The following ITGBL1 variants were observed in gnomAD, a reference collection of about 807,000 sequenced individuals.
The protein encoded by ITGBL1 is integrin subunit beta like 1.
A neutral mutation model predicts 68.5 loss-of-function variants in ITGBL1; 51 were observed. The ratio of observed to expected loss-of-function variants is 0.74; its 90% CI spans 0.59 to 0.94. The LOEUF is 0.94. Ranked by LOEUF, ITGBL1 falls within the 40% of genes least tolerant of loss-of-function variation. The pLI is 0.00. For missense variants in ITGBL1, 649 were observed against 647.4 expected (o/e 1.00, Z -0.03); for synonymous variants, 209 against 227.3 (o/e 0.92, Z 0.72).
chr13:101,459,155 T>C (rs191904052), intron 2 of ITGBL1, among the ~76,000 whole-genome samples: 12 of 152,280 alleles, frequency 7.9e-5, no homozygotes, highest in African/African-American at 2.9e-4. Context: ...GTGGAATTGA[T>C]ATAAAATGAA....
intron 2 of ITGBL1, among the ~76,000 whole-genome samples, chr13:101,508,324 A>G (rs1316638692): frequency 3.9e-5 from 6 of 152,174 alleles, no homozygotes; most frequent in Non-Finnish European, 8.8e-5. Flanking sequence ...GTTTCTTTCC[A>G]GTTTACTATA....
chr13:101,539,050 CTTT>C (rs35288585), intron 2 of ITGBL1, among the ~76,000 whole-genome samples: 3 of 99,620 alleles, frequency 3.0e-5, no homozygotes, highest in South Asian at 4.1e-4. Flanking sequence ...TGTGCTGCTT[CTTT>C]TTTTTTTTTT....
At chr13:101,604,859 T>C (rs1292145068) in intron 7 of ITGBL1, among the ~76,000 whole-genome samples, 3 of 16,974 alleles carry the variant, frequency 1.8e-4, no homozygotes, top group African/African-American at 4.5e-4. Context: ...TATATATATA[T>C]ATATATATAT....
intron 7 of ITGBL1, among the ~76,000 whole-genome samples, chr13:101,605,619 T>A (rs1017720947): frequency 6.8e-6 from 1 of 148,000 alleles, no homozygotes; most frequent in South Asian, 2.2e-4. Context: ...CGTATATATA[T>A]ACACGTATGT....
intron 7 of ITGBL1, among the ~76,000 whole-genome samples, chr13:101,654,422 T>C (rs755505237): frequency 6.6e-6 from 1 of 152,142 alleles, no homozygotes; most frequent in Non-Finnish European, 1.5e-5. Flanking sequence ...AGGTAGAAGA[T>C]GATGGTGGCT....
At chr13:101,456,813 G>T (rs930655630) in intron 2 of ITGBL1, among the ~76,000 whole-genome samples, 5 of 152,178 alleles carry the variant, frequency 3.3e-5, no homozygotes, top group Non-Finnish European at 7.3e-5. Flanking sequence ...TACTTGGAAG[G>T]CTGAGGCAGG....
intron 5 of ITGBL1, among the ~76,000 whole-genome samples, chr13:101,579,816 C>T (rs749922301): frequency 6.6e-6 from 1 of 152,084 alleles, no homozygotes; most frequent in African/African-American, 2.4e-5. Context: ...ATTCAGAAAA[C>T]CCTCTTGTCT....
intron 2 of ITGBL1, among the ~76,000 whole-genome samples, chr13:101,557,435 C>T (rs2050025997): frequency 6.6e-6 from 1 of 152,224 alleles, no homozygotes; most frequent in South Asian, 2.1e-4. Context: ...ATTCCTTGTG[C>T]CCCTGTATTA....
intron 2 of ITGBL1, among the ~76,000 whole-genome samples, chr13:101,550,805 C>A (rs575454135): frequency 1.3e-5 from 2 of 152,206 alleles, no homozygotes; most frequent in East Asian, 3.9e-4. Flanking sequence ...CTTTTAATTC[C>A]TTTCTATTTT....
chr13:101,714,530 C>T lies in ITGBL1; in HGVS notation c.1372C>T (p.His458Tyr), dbSNP rs2034627241. 1 of 1,602,856 alleles carries T rather than the reference C, an allele frequency of 6.2e-7. No homozygotes were observed. The highest frequency in any genetic ancestry group is 1.3e-5 in the African/African-American group (1 of 74,782). ...CTGTGATGACAGAGACTGCGACAAA[C>T]ATGATGGTCTCATTTGTACAGGTGC... ...CDCDDRDCDK[H>Y]DGLICTGNGI... Residue 458 changes from histidine to tyrosine, a missense_variant, in exon 10 of 11, where the codon CAT becomes TAT. Transcript: ENST00000376180.
intron 7 of ITGBL1, among the ~76,000 whole-genome samples, chr13:101,605,012 G>T (rs371113060): frequency 9.4e-5 from 3 of 32,056 alleles, no homozygotes; most frequent in African/African-American, 2.4e-4. Context: ...ACATATATGC[G>T]TATATGTGTA....
At chr13:101,604,863 T>C (rs1361439827) in intron 7 of ITGBL1, among the ~76,000 whole-genome samples, 3 of 20,850 alleles carry the variant, frequency 1.4e-4, no homozygotes, top group Non-Finnish European at 3.2e-4. Flanking sequence ...TATATATATA[T>C]ATATATATAT....
At chr13:101,720,275 T>C (rs578005963), downstream of ITGBL1, 1 of 152,112 alleles carries the variant, frequency 6.6e-6, no homozygotes, top group African/African-American at 2.4e-5. Context: ...CCTAACTCAA[T>C]TACAAATAAC....
intron 2 of ITGBL1, among the ~76,000 whole-genome samples, chr13:101,548,643 A>C (rs1322307456): frequency 6.6e-6 from 1 of 151,830 alleles, no homozygotes; most frequent in East Asian, 1.9e-4. Flanking sequence ...GAAAATAACA[A>C]AATAAGTAAA....
intron 7 of ITGBL1, 23 bp downstream of exon 7, chr13:101,598,322 TC>T: frequency 6.5e-7 from 1 of 1,545,494 alleles, no homozygotes; most frequent in South Asian, 1.2e-5. Flanking sequence ...TCTCAGGGCT[TC>T]CCACGGCCTC....
Position 101,491,315 on chromosome 13 carries a change from C to A in ITGBL1, c.316+37215C>A, listed in dbSNP as rs559046979. Among the ~76,000 whole-genome samples, 173 of 152,302 alleles carry A rather than the reference C, an allele frequency of 1.1e-3. 1 individual carries two copies. The highest frequency in any genetic ancestry group is 6.5e-3 in the Admixed American group (100 of 15,298). ...CTCAGACCCTCCTTCTCCCCGTTAC[C>A]ATCACTGCAAAACTTACCCTATAAA... On this transcript the variant is annotated intron_variant, in intron 2 of 10. Transcript: ENST00000376180.
At chr13:101,538,467 G>T (rs111902328) in intron 2 of ITGBL1, among the ~76,000 whole-genome samples, 2,139 of 152,072 alleles carry the variant, frequency 0.014, 47 homozygotes, top group African/African-American at 0.048. Flanking sequence ...TGGTAGAAAT[G>T]AAAATTGCTT....
intron 2 of ITGBL1, among the ~76,000 whole-genome samples, chr13:101,513,245 G>A (rs2049143788): frequency 6.6e-6 from 1 of 152,056 alleles, no homozygotes; most frequent in African/African-American, 2.4e-5. Context: ...AAATGAAAAA[G>A]TGTTGCCCCC....
At chr13:101,540,416 C>G (rs887243993) in intron 2 of ITGBL1, among the ~76,000 whole-genome samples, 1 of 152,134 alleles carries the variant, frequency 6.6e-6, no homozygotes, top group Non-Finnish European at 1.5e-5. Context: ...GTCTATATCT[C>G]TGTTTTGGTA....
Sources: gnomAD v4.1 joint callset for allele counts (sites outside exome capture counted in the v4.1 genomes callset) on GRCh38, gnomAD v4.1.1 for gene constraint, MANE v1.5 for transcripts, NCBI Gene and HGNC (gene_info 2026-07-23, HGNC 2026-07-21) for gene names.